Variants in KIRREL1 observed in about 807,000 individuals in gnomAD.
KIRREL1 encodes kin of IRRE-like protein 1.
In KIRREL1, 25 loss-of-function variants were observed where a neutral mutation model predicts 83.3. The observed-to-expected ratio is 0.30, with a 90% CI of 0.22 to 0.42. The LOEUF (loss-of-function observed/expected upper bound fraction) is 0.42. KIRREL1 is among the 10% of genes least tolerant of loss of function. KIRREL1 has a pLI of 1.00. For missense variants in KIRREL1, 812 were observed against 1,032.3 expected (o/e 0.79, Z 2.92); for synonymous variants, 388 against 410.4 (o/e 0.95, Z 0.66).
intron 2 of KIRREL1, among the ~76,000 whole-genome samples, chr1:158,076,678 G>A (rs1015274197): frequency 1.3e-4 from 20 of 152,222 alleles, no homozygotes; most frequent in Admixed American, 5.9e-4. Flanking sequence ...GGCCTGGCTC[G>A]GCTCCAGCCT....
intron 1 of KIRREL1, among the ~76,000 whole-genome samples, chr1:158,040,617 C>T (rs559186964): frequency 3.7e-4 from 56 of 152,358 alleles, no homozygotes; most frequent in African/African-American, 1.2e-3. Flanking sequence ...GAGGGCTTCA[C>T]AGTGGAGGTG....
At chr1:157,995,294 T>C (rs1225633853) in intron 1 of KIRREL1, among the ~76,000 whole-genome samples, 1 of 152,194 alleles carries the variant, frequency 6.6e-6, no homozygotes, top group African/African-American at 2.4e-5. Context: ...CAGCACACAC[T>C]ATGATATGGG....
At chr1:158,000,068 T>TG (rs1315760697) in intron 1 of KIRREL1, among the ~76,000 whole-genome samples, 5 of 150,274 alleles carry the variant, frequency 3.3e-5, no homozygotes, top group Admixed American at 6.6e-5. Flanking sequence ...AAAGATGGGG[T>TG]GGGGGCTGAG....
chr1:158,020,600 C>CAAATAAAAAA (rs1659978311), intron 1 of KIRREL1, among the ~76,000 whole-genome samples: 1 of 83,678 alleles, frequency 1.2e-5, no homozygotes, highest in Non-Finnish European at 2.1e-5. Context: ...TACAGTAAAT[C>CAAATAAAAAA]AAAAAAAAAA....
At chr1:158,009,664 C>T (rs1398694206) in intron 1 of KIRREL1, among the ~76,000 whole-genome samples, 1 of 152,174 alleles carries the variant, frequency 6.6e-6, no homozygotes, top group Non-Finnish European at 1.5e-5. Context: ...TCATGGCAGC[C>T]TGTTCTGGTA....
intron 1 of KIRREL1, among the ~76,000 whole-genome samples, chr1:158,022,498 C>T (rs1013852291): frequency 6.6e-6 from 1 of 152,174 alleles, no homozygotes; most frequent in Non-Finnish European, 1.5e-5. Flanking sequence ...CCCTACTGTT[C>T]TTCTTGCTAC....
intron 1 of KIRREL1, among the ~76,000 whole-genome samples, chr1:158,002,536 A>C (rs904516822): frequency 2.0e-5 from 3 of 152,206 alleles, no homozygotes; most frequent in African/African-American, 7.2e-5. Flanking sequence ...TGTTCAACTT[A>C]TGAGCATTGT....
intron 1 of KIRREL1, among the ~76,000 whole-genome samples, chr1:158,031,907 G>C (rs745941666): frequency 6.6e-6 from 1 of 152,078 alleles, no homozygotes; most frequent in Non-Finnish European, 1.5e-5. Flanking sequence ...AACAGGGTTA[G>C]AAACCATTTC....
chr1:158,069,227 C>T (rs1339668134), intron 1 of KIRREL1, among the ~76,000 whole-genome samples: 2 of 151,436 alleles, frequency 1.3e-5, no homozygotes, highest in Non-Finnish European at 2.9e-5. Flanking sequence ...GGTGTGTGTG[C>T]GCATGTGCTT....
chr1:158,026,599 T>C (rs1287898275), intron 1 of KIRREL1, among the ~76,000 whole-genome samples: 1 of 152,202 alleles, frequency 6.6e-6, no homozygotes, highest in Admixed American at 6.5e-5. Flanking sequence ...AGTTGCTTTA[T>C]TAGCTAACCA....
chr1:158,086,519 C>T, intron 4 of KIRREL1, 77 bp from the exon 5 acceptor site: 1 of 1,470,516 alleles, frequency 6.8e-7, no homozygotes, highest in Non-Finnish European at 9.2e-7. Context: ...CCAAGCCCAT[C>T]TCTGAGTGAG....
At chr1:157,996,310 T>C (rs1045765789) in intron 1 of KIRREL1, among the ~76,000 whole-genome samples, 3 of 152,094 alleles carry the variant, frequency 2.0e-5, no homozygotes, top group Admixed American at 6.5e-5. Context: ...CACAGACTGA[T>C]TGCGCCGAAA....
intron 8 of KIRREL1, 124 bp from the exon 9 acceptor site, chr1:158,089,378 T>G (rs1662120135): frequency 6.7e-7 from 1 of 1,499,896 alleles, no homozygotes; most frequent in Admixed American, 2.2e-5. Context: ...GAACCCCATT[T>G]CCCTTCTGGG....
intron 1 of KIRREL1, chr1:158,030,824 C>T (rs1046665184): frequency 6.6e-6 from 1 of 152,170 alleles, no homozygotes; most frequent in African/African-American, 2.4e-5. Flanking sequence ...CCATGCACCC[C>T]CTCTCTGGAT....
intron 11 of KIRREL1, among the ~76,000 whole-genome samples, chr1:158,092,554 A>G (rs1422833285): frequency 6.6e-6 from 1 of 151,972 alleles, no homozygotes; most frequent in East Asian, 1.9e-4. Flanking sequence ...TCACCGTGTT[A>G]GCCAAGATGG....
chr1:158,029,547 C>T (rs529264228), intron 1 of KIRREL1, among the ~76,000 whole-genome samples: 1 of 152,126 alleles, frequency 6.6e-6, no homozygotes, highest in African/African-American at 2.4e-5. Flanking sequence ...AACTTTTAGC[C>T]CTCCTGTAGC....
Position 158,094,607 on chromosome 1 carries a change from G to A in KIRREL1, c.1798-37G>A, listed in dbSNP as rs769451622. 4.0e-6 allele frequency: 6 copies of A among 1,514,488 alleles called. No individual in the cohort carries two copies. In the Admixed American group the frequency reaches 5.2e-5, roughly 13 times the overall value. 93.8% of individuals were successfully genotyped at this position (1,514,488 alleles called of 1,614,324 possible). A position where few individuals can be genotyped will look rare whatever the true frequency, so the allele number is the denominator to read the frequency against. ...TGAGACTTGATCCCCACCCAAGAGG[G>A]AACACTGCCTCCATCCTCTTCTCTC... On this transcript the variant is annotated intron_variant, in intron 14 of 14. Transcript: ENST00000359209. The surrounding 1 kb of genome is among the most constrained non-coding windows in gnomAD (Gnocchi z 4.6).
At chr1:158,028,207 C>G (rs1660225685) in intron 1 of KIRREL1, among the ~76,000 whole-genome samples, 1 of 152,200 alleles carries the variant, frequency 6.6e-6, no homozygotes, top group South Asian at 2.1e-4. Context: ...CTGCAGTGGT[C>G]TGCAGGAACT....
At position 158,095,461 on chromosome 1, in the gene KIRREL1, A is replaced by C; in HGVS notation, c.*341A>C. 1 of 222,946 alleles carries C rather than the reference A, an allele frequency of 4.5e-6. No homozygotes were observed. Among genetic ancestry groups the C allele is most frequent in the Non-Finnish European group, 8.7e-6 (1 of 114,400 alleles). 13.8% of individuals were successfully genotyped at this position (222,946 alleles called of 1,614,324 possible). On this transcript the variant is annotated 3_prime_UTR_variant, in exon 15 of 15. Coordinates refer to ENST00000359209, the MANE Select transcript of KIRREL1 (RefSeq NM_018240.7). ...ATTCCCTTTCTATCCCACCCCTCTGATCTCCCATAAGTGGAAATGGGGGTA... is the reference window on the plus strand; with the variant it reads ...ATTCCCTTTCTATCCCACCCCTCTGCTCTCCCATAAGTGGAAATGGGGGTA...
Sources: allele counts gnomAD v4.1 joint callset (sites outside exome capture counted in the v4.1 genomes callset), GRCh38; gene constraint gnomAD v4.1.1; non-coding constraint Gnocchi (gnomAD v3.1); transcripts MANE v1.5; gene names NCBI Gene and HGNC (gene_info 2026-07-23, HGNC 2026-07-21).